Variants in NUP98 observed in about 807,000 individuals in gnomAD.
The protein encoded by NUP98 is nuclear pore complex protein Nup98-Nup96.
NUP98 carries 26 observed loss-of-function variants against 191.9 expected under a neutral mutation model. The ratio of observed to expected loss-of-function variants is 0.14; its 90% CI spans 0.10 to 0.19. The LOEUF (loss-of-function observed/expected upper bound fraction) is 0.19. Ranked by LOEUF, NUP98 falls within the 10% of genes least tolerant of loss-of-function variation. The pLI, the probability that NUP98 is intolerant of heterozygous loss-of-function variation, is 1.00. For synonymous variants in NUP98, 808 were observed against 778.4 expected (o/e 1.04, Z -0.63); for missense variants, 1,941 against 2,178.8 (o/e 0.89, Z 2.17).
intron 12 of NUP98, among the ~76,000 whole-genome samples, chr11:3,739,280 T>C (rs1218082169): frequency 6.6e-6 from 1 of 152,198 alleles, no homozygotes; most frequent in East Asian, 1.9e-4. Flanking sequence ...GACAGAGTCT[T>C]GCTGTGTCAC....
At chr11:3,713,688 C>A in intron 19 of NUP98, 130 bp downstream of exon 19, 1 of 879,008 alleles carries the variant, frequency 1.1e-6, no homozygotes, top group Admixed American at 2.9e-5. Flanking sequence ...CATTGTACTC[C>A]AGCCTGAGCA....
intron 1 of NUP98, among the ~76,000 whole-genome samples, chr11:3,796,410 A>G (rs113421095): frequency 2.4e-4 from 37 of 152,378 alleles, no homozygotes; most frequent in African/African-American, 7.7e-4. Context: ...TTAGAAAGGG[A>G]AACAATGGCT....
chr11:3,732,510 C>T (rs980272117), intron 13 of NUP98, among the ~76,000 whole-genome samples: 11 of 152,130 alleles, frequency 7.2e-5, no homozygotes, highest in African/African-American at 2.7e-4. Flanking sequence ...TAATATTCAA[C>T]TTCTATGTAA....
At position 3,679,590 on chromosome 11, in the gene NUP98, A is replaced by G. The variant is rs780032052; in HGVS notation, c.5037T>C (p.Tyr1679=). 5.8e-5 allele frequency: 94 copies of G among 1,614,088 alleles called. No homozygotes were observed. Among genetic ancestry groups the G allele is most frequent in the Non-Finnish European group, 7.1e-5 (84 of 1,180,048 alleles). ...WETSGLVYLD[Y]IRVIEMLRHI... The stretch of plus-strand genomic sequence containing the variant: ...GGCGGAGCATTTCAATGACTCTAAT[A>G]TAGTCCAGGTAAACAAGCCCAGATG... The change falls in exon 31 of 33, where the codon TAT becomes TAC. Residue 1679 remains tyrosine (Y), a synonymous_variant. Coordinates refer to ENST00000324932, the MANE Select transcript of NUP98 (RefSeq NM_016320.5).
At chr11:3,720,913 G>GAATGAAGAATTTTCC (rs1310153755) in intron 16 of NUP98, 88 bp from the exon 17 acceptor site, 2 of 624,138 alleles carry the variant, frequency 3.2e-6, no homozygotes, top group Non-Finnish European at 5.6e-6. Context: ...AAATATATCA[G>GAATGAAGAATTTTCC]AATGAAGAAT....
At chr11:3,702,347 T>A (rs1248356729) in intron 23 of NUP98, 116 bp downstream of exon 23, 86 of 677,962 alleles carry the variant, frequency 1.3e-4, no homozygotes, top group African/African-American at 2.1e-4. Flanking sequence ...TCTCTCTCTC[T>A]CTCTCTCTCT....
intron 8 of NUP98, among the ~76,000 whole-genome samples, chr11:3,767,822 AAAAAAAAC>A: frequency 6.6e-6 from 1 of 152,134 alleles, no homozygotes; most frequent in East Asian, 1.9e-4. Context: ...CCCTTTAAAA[AAAAAAAAC>A]AAAAAAACTT....
intron 1 of NUP98, among the ~76,000 whole-genome samples, chr11:3,783,504 G>A (rs954226095): frequency 2.6e-5 from 4 of 152,194 alleles, no homozygotes. Flanking sequence ...TTCAAGACCA[G>A]CCTGGTCAAC....
At chr11:3,797,176 T>C (rs2082682452) in intron 1 of NUP98, among the ~76,000 whole-genome samples, 1 of 152,258 alleles carries the variant, frequency 6.6e-6, no homozygotes, top group Non-Finnish European at 1.5e-5. Context: ...CCTCCAGGCC[T>C]AGACCCCACT....
chr11:3,785,213 C>A (rs548998403), intron 1 of NUP98, among the ~76,000 whole-genome samples: 4 of 151,604 alleles, frequency 2.6e-5, no homozygotes, highest in African/African-American at 9.7e-5. Flanking sequence ...AAAAAACCAA[C>A]GGATTTTTGG....
chr11:3,675,868 CT>C lies in NUP98; in HGVS notation c.*290del. 2.2e-6 allele frequency: 1 copy of C among 456,238 alleles called. No individual in the cohort carries two copies. The highest frequency in any genetic ancestry group is 4.0e-6 in the Non-Finnish European group (1 of 250,418). The allele number at this position is 456,238 out of a possible 1,614,324, so 28.3% of individuals were successfully genotyped here. A position where few individuals can be genotyped will look rare whatever the true frequency, so the allele number is the denominator to read the frequency against. On this transcript the variant is annotated 3_prime_UTR_variant, in exon 33 of 33. Coordinates refer to ENST00000324932, the MANE Select transcript of NUP98 (RefSeq NM_016320.5). ...GGGATGGAAAAAGAATACCCTGGTT[CT>C]TTGGGGGATTCTGCCAAAGGAGCTT... is the stretch of plus-strand genomic sequence containing the variant.
chr11:3,788,774 C>A (rs1237249770), intron 1 of NUP98, among the ~76,000 whole-genome samples: 1 of 152,056 alleles, frequency 6.6e-6, no homozygotes, highest in African/African-American at 2.4e-5. Flanking sequence ...AGGAGAAACC[C>A]CGTCTCTACT....
intron 20 of NUP98, among the ~76,000 whole-genome samples, chr11:3,710,590 G>T (rs2134158911): frequency 6.6e-6 from 1 of 152,300 alleles, no homozygotes; most frequent in South Asian, 2.1e-4. Flanking sequence ...TCTTTAAGGG[G>T]TGAGGTGATG....
chr11:3,707,250 C>CT (rs2078888021), intron 20 of NUP98, among the ~76,000 whole-genome samples: 2 of 151,962 alleles, frequency 1.3e-5, no homozygotes, highest in African/African-American at 4.8e-5. Flanking sequence ...GGAAGAATCC[C>CT]TTTATGTTTA....
chr11:3,702,683 G>T lies in NUP98; in HGVS notation c.3292C>A (p.Leu1098Ile), dbSNP rs2078746145. The T allele has an allele frequency of 1.9e-6, 3 of 1,614,174 alleles. No homozygotes were observed. Among genetic ancestry groups the T allele is most frequent in the African/African-American group, 1.3e-5 (1 of 75,040 alleles). The change falls in exon 23 of 33, where the codon CTA (leucine) becomes ATA (isoleucine). Residue 1098 changes from leucine (L) to isoleucine (I), a missense_variant. By Grantham distance (5) the Leu-to-Ile change is conservative. This residue lies in a region of NUP98 where 1,030 missense variants were observed against 1,115.8 expected (regional missense o/e 0.92). Transcript: ENST00000324932. ...GACTTTTCACGAGGGACTAGGCCTA[G>T]TTGCCTACGTGTACCCACTGTTTTC... ...PLKTVGTRRQLGLVPREKSVT... is the reference protein window; with the variant it reads ...PLKTVGTRRQIGLVPREKSVT...
rs759405496 is a variant in NUP98, at chr11:3,713,812, C to G, written c.2577+6G>C. ...TAAAAGTCTGAACTGGGTTAAATGA[C>G]TATACCTTAAACACCCAAGAACCAG... On this transcript the variant is annotated splice_donor_region_variant and intron_variant, in intron 19 of 32. Coordinates refer to ENST00000324932, the MANE Select transcript of NUP98 (RefSeq NM_016320.5). 8.1e-6 allele frequency: 13 copies of G among 1,610,624 alleles called. No homozygotes were observed. The highest frequency in any genetic ancestry group is 1.3e-5 in the African/African-American group (1 of 74,622).
At position 3,765,071 on chromosome 11, in the gene NUP98, G is replaced by C. The variant is rs141328283; in HGVS notation, c.949-2032C>G. ...TTATTGTCTTACTACTGAATTATAA[G>C]AGTTATTTATACATCCTGGATACAA... On this transcript the variant is annotated intron_variant, in intron 8 of 32. Transcript: ENST00000324932. Among the ~76,000 whole-genome samples, 334 of 152,278 alleles carry C rather than the reference G, an allele frequency of 2.2e-3. 3 individuals carry two copies. The highest frequency in any genetic ancestry group is 7.6e-3 in the African/African-American group (314 of 41,550).
At chr11:3,714,938 T>C (rs1319932346) in intron 18 of NUP98, 1 of 152,208 alleles carries the variant, frequency 6.6e-6, no homozygotes, top group Non-Finnish European at 1.5e-5. Flanking sequence ...CTGTTGTGAA[T>C]AGTGTTGCTA....
At chr11:3,747,444 A>G (rs1345512059) in intron 11 of NUP98, among the ~76,000 whole-genome samples, 1 of 152,200 alleles carries the variant, frequency 6.6e-6, no homozygotes, top group Non-Finnish European at 1.5e-5. Context: ...CTAAATAACC[A>G]AGGCAGTGGT....
Sources: gnomAD v4.1 joint callset for allele counts (sites outside exome capture counted in the v4.1 genomes callset) on GRCh38, gnomAD v4.1.1 for gene constraint, gnomAD v4.1.1 regional missense constraint, MANE v1.5 for transcripts, NCBI Gene and HGNC (gene_info 2026-07-23, HGNC 2026-07-21) for gene names.